MCTP1: variants seen among roughly 807,000 people sequenced by gnomAD.
The protein encoded by MCTP1 is multiple C2 and transmembrane domain containing 1, also known as multiple C2 and transmembrane domain-containing protein 1.
A neutral mutation model predicts 120.6 loss-of-function variants in MCTP1; 69 were observed. The ratio of observed to expected loss-of-function variants is 0.57; its 90% CI spans 0.47 to 0.70. The LOEUF (loss-of-function observed/expected upper bound fraction) is 0.70. Among genes scored for constraint, MCTP1 ranks in the 30% least tolerant of loss-of-function variants. MCTP1 has a pLI of 0.00. For missense variants in MCTP1, 1,203 were observed against 1,248.8 expected, an observed-to-expected ratio of 0.96 and a Z score of 0.55; for synonymous variants, 529 against 493.1, an observed-to-expected ratio of 1.07 and a Z score of -0.96.
chr5:94,903,588 C>A (rs980328832), intron 10 of MCTP1, among the ~76,000 whole-genome samples: 1 of 152,104 alleles, frequency 6.6e-6, no homozygotes, highest in Admixed American at 6.5e-5. Flanking sequence ...TTTTTCTTAT[C>A]ATATACCATT....
At chr5:94,725,364 A>T (rs1327399839) in intron 19 of MCTP1, among the ~76,000 whole-genome samples, 1 of 152,238 alleles carries the variant, frequency 6.6e-6, no homozygotes, top group South Asian at 2.1e-4. Flanking sequence ...TCTTTCTACA[A>T]GCTCAGTAGT....
At chr5:95,219,119 C>T (rs1047042354) in intron 1 of MCTP1, among the ~76,000 whole-genome samples, 5 of 152,194 alleles carry the variant, frequency 3.3e-5, no homozygotes, top group Admixed American at 2.0e-4. Context: ...CAGTGGCTCA[C>T]GCCTGTAATC....
At position 95,126,702 on chromosome 5, in the gene MCTP1, T is replaced by A. The variant is rs1758659272; in HGVS notation, c.721-109218A>T. Among the ~76,000 whole-genome samples the A allele has an allele frequency of 5.3e-5, 8 of 152,282 alleles. No homozygotes were observed. In the South Asian group the frequency reaches 1.2e-3, roughly 24 times the overall value. On this transcript the variant is annotated intron_variant, in intron 1 of 22. Transcript: ENST00000515393. Reference sequence around the variant, plus strand: ...AATTCTGGGATCATGCTATACTACATCTGCAAGGTACATTTTCATACATGG... The same window carrying A: ...AATTCTGGGATCATGCTATACTACAACTGCAAGGTACATTTTCATACATGG...
intron 1 of MCTP1, among the ~76,000 whole-genome samples, chr5:95,276,000 G>T (rs1401420555): frequency 6.6e-6 from 1 of 152,178 alleles, no homozygotes; most frequent in Admixed American, 6.5e-5. Context: ...ACCATGCTCA[G>T]TGAAAAAATC....
At chr5:95,116,201 GA>G (rs1757813520) in intron 1 of MCTP1, among the ~76,000 whole-genome samples, 1 of 152,040 alleles carries the variant, frequency 6.6e-6, no homozygotes, top group Admixed American at 6.6e-5. Flanking sequence ...AAAGCAATAA[GA>G]AATCATCTGA....
intron 2 of MCTP1, among the ~76,000 whole-genome samples, chr5:94,995,696 T>C (rs993778793): frequency 6.6e-6 from 1 of 152,176 alleles, no homozygotes; most frequent in African/African-American, 2.4e-5. Context: ...ATCAGCAAAA[T>C]TGTATAGTCT....
intron 18 of MCTP1, among the ~76,000 whole-genome samples, chr5:94,796,033 A>G (rs1779929139): frequency 2.6e-5 from 4 of 152,122 alleles, no homozygotes; most frequent in South Asian, 2.1e-4. Flanking sequence ...ACAAAGAAAC[A>G]CTTTCCTGTT....
At chr5:94,738,941 T>C (rs1038564305) in intron 19 of MCTP1, among the ~76,000 whole-genome samples, 2 of 152,220 alleles carry the variant, frequency 1.3e-5, no homozygotes, top group Admixed American at 6.5e-5. Context: ...CTGATCACCT[T>C]GTCATCTTTT....
intron 8 of MCTP1, among the ~76,000 whole-genome samples, chr5:94,917,463 A>G (rs539999849): frequency 6.6e-6 from 1 of 152,344 alleles, no homozygotes; most frequent in Admixed American, 6.5e-5. Context: ...CTAGCAGTCA[A>G]TTTACTGAAA....
At chr5:95,023,807 T>C (rs181280078) in intron 1 of MCTP1, among the ~76,000 whole-genome samples, 21 of 152,348 alleles carry the variant, frequency 1.4e-4, no homozygotes, top group Non-Finnish European at 2.6e-4. Flanking sequence ...TAGGCTCACA[T>C]ATATTAAAAG....
intron 18 of MCTP1, chr5:94,784,758 C>T (rs1340786229): frequency 6.6e-6 from 1 of 151,826 alleles, no homozygotes; most frequent in Non-Finnish European, 1.5e-5. Flanking sequence ...GTGTGATAGG[C>T]TTGCCAGGGA....
At chr5:94,909,932 A>T (rs1311704179) in intron 9 of MCTP1, among the ~76,000 whole-genome samples, 2 of 151,986 alleles carry the variant, frequency 1.3e-5, no homozygotes, top group African/African-American at 4.8e-5. Context: ...GACTTATAGC[A>T]CTGATGTAGT....
chr5:95,283,785 G>T (rs984042954), intron 1 of MCTP1, 71 bp downstream of exon 1: 8 of 1,202,578 alleles, frequency 6.7e-6, no homozygotes, highest in Non-Finnish European at 8.4e-6. Flanking sequence ...CCCGCTCCCC[G>T]GGTGGTGAAC....
At position 95,284,511 on chromosome 5, in the gene MCTP1, G is replaced by A; in HGVS notation, c.65C>T (p.Ala22Val). Residue 22 changes from alanine to valine, a missense_variant, in exon 1 of 23, where the codon GCC becomes GTC. This residue lies in a region of MCTP1 where 463 missense variants were observed against 377.8 expected (regional missense o/e 1.23). Transcript: ENST00000515393. The surrounding 1 kb of genome is among the most constrained non-coding windows in gnomAD (Gnocchi z 5.2). ...EPPAASSSFQ[A>V]RLWKNLQLGV... is the part of the protein sequence containing the mutation. ...CAGCTGCAGGTTCTTCCAGAGCCGG[G>A]CCTGGAAGGAGGAGGACGCCGCCGG... The A allele has an allele frequency of 6.6e-7, 1 of 1,504,830 alleles. No homozygotes were observed. The allele number at this position is 1,504,830 out of a possible 1,614,324, so 93.2% of individuals were successfully genotyped here. A position where few individuals can be genotyped will look rare whatever the true frequency, so the allele number is the denominator to read the frequency against.
At chr5:94,778,569 T>A (rs1290704394) in intron 19 of MCTP1, among the ~76,000 whole-genome samples, 1 of 152,192 alleles carries the variant, frequency 6.6e-6, no homozygotes, top group African/African-American at 2.4e-5. Context: ...CCTCTCTGAA[T>A]GGGCTTTCCT....
At chr5:94,983,293 T>C (rs1829822227) in intron 2 of MCTP1, among the ~76,000 whole-genome samples, 1 of 152,150 alleles carries the variant, frequency 6.6e-6, no homozygotes, top group South Asian at 2.1e-4. Flanking sequence ...CTACCTAAAC[T>C]GTGAGCTATT....
intron 1 of MCTP1, among the ~76,000 whole-genome samples, chr5:95,139,398 G>T (rs946632849): frequency 2.0e-5 from 3 of 152,148 alleles, no homozygotes; most frequent in African/African-American, 4.8e-5. Flanking sequence ...GAAATAAAAA[G>T]ATCTAAACAT....
At chr5:95,174,605 G>A (rs1747748670) in intron 1 of MCTP1, among the ~76,000 whole-genome samples, 1 of 152,082 alleles carries the variant, frequency 6.6e-6, no homozygotes, top group Non-Finnish European at 1.5e-5. Context: ...CTACTTACTA[G>A]GTGTGTGACC....
chr5:94,872,905 A>G (rs933119301), intron 13 of MCTP1, among the ~76,000 whole-genome samples: 2 of 152,084 alleles, frequency 1.3e-5, no homozygotes, highest in Non-Finnish European at 2.9e-5. Context: ...AATCATATAA[A>G]AAGCACAGTT....
Sources: gnomAD v4.1 joint callset for allele counts (sites outside exome capture counted in the v4.1 genomes callset) on GRCh38, gnomAD v4.1.1 for gene constraint, gnomAD v4.1.1 regional missense constraint, Gnocchi (gnomAD v3.1) non-coding constraint, MANE v1.5 for transcripts, NCBI Gene and HGNC (gene_info 2026-07-23, HGNC 2026-07-21) for gene names.